Variants in RSBN1L observed in about 807,000 individuals in gnomAD.
RSBN1L encodes the protein round spermatid basic protein 1 like.
Under a neutral mutation model 67.7 loss-of-function variants are expected in RSBN1L, and 30 were observed. The observed-to-expected ratio is 0.44, with a 90% CI of 0.33 to 0.60. The LOEUF is 0.60. Ranked by LOEUF, RSBN1L falls within the 20% of genes least tolerant of loss-of-function variation. The probability of loss-of-function intolerance (pLI) is 0.02; values close to 1 mark genes in which losing one functional copy is unlikely to be tolerated. For synonymous variants in RSBN1L, 433 were observed against 387.0 expected, an observed-to-expected ratio of 1.12 and a Z score of -1.39; for missense variants, 992 against 1,031.7, an observed-to-expected ratio of 0.96 and a Z score of 0.53.
intron 1 of RSBN1L, among the ~76,000 whole-genome samples, chr7:77,715,341 T>C (rs1030372893): frequency 6.6e-6 from 1 of 152,062 alleles, no homozygotes; most frequent in Non-Finnish European, 1.5e-5. Context: ...GTGGGATATT[T>C]TGTGTGTGTG....
intron 2 of RSBN1L, among the ~76,000 whole-genome samples, chr7:77,740,989 T>C (rs1471339971): frequency 1.3e-4 from 19 of 148,324 alleles, no homozygotes; most frequent in South Asian, 4.3e-4. Context: ...TCTTTTCTTT[T>C]TTTTTTTTTT....
chr7:77,778,286 A>C, intron 6 of RSBN1L, 52 bp from the exon 7 acceptor site: 1 of 1,291,946 alleles, frequency 7.7e-7, no homozygotes, highest in East Asian at 2.3e-5. Context: ...ATAAGGACTC[A>C]AAAGAGTGAA....
At chr7:77,705,267 G>T (rs183949460) in intron 1 of RSBN1L, among the ~76,000 whole-genome samples, 1 of 152,118 alleles carries the variant, frequency 6.6e-6, no homozygotes, top group East Asian at 1.9e-4. Context: ...AGATTTTCCT[G>T]TATTCATAAT....
intron 1 of RSBN1L, among the ~76,000 whole-genome samples, chr7:77,711,902 G>C (rs1016679029): frequency 4.6e-5 from 7 of 152,136 alleles, no homozygotes; most frequent in African/African-American, 1.7e-4. Flanking sequence ...AGAATCAGGA[G>C]GCCTTAGGAG....
intron 1 of RSBN1L, among the ~76,000 whole-genome samples, chr7:77,712,313 C>T (rs1264448782): frequency 2.7e-5 from 4 of 147,932 alleles, no homozygotes; most frequent in Non-Finnish European, 5.9e-5. Flanking sequence ...GACGGAGTTT[C>T]GCTCTGTTAT....
intron 5 of RSBN1L, among the ~76,000 whole-genome samples, chr7:77,772,455 G>A (rs1791862173): frequency 6.6e-6 from 1 of 152,226 alleles, no homozygotes; most frequent in South Asian, 2.1e-4. Flanking sequence ...CAATGAGTGA[G>A]GCTAAGTAGG....
In RSBN1L at chr7:77,696,934, C is replaced by T; in HGVS notation, c.465C>T (p.Ala155=). Reference sequence around the variant, plus strand: ...CCGCCGCCGCTGCCTCGGCTAACGCCAAGTCGCGCAGACCTAAGGAGAAGC... The same window carrying T: ...CCGCCGCCGCTGCCTCGGCTAACGCTAAGTCGCGCAGACCTAAGGAGAAGC... ...PAAAAAASAN[A]KSRRPKEKRE... The change falls in exon 1 of 8, where the codon GCC becomes GCT. Residue 155 remains alanine (A), a synonymous_variant. Transcript: ENST00000334955. The T allele has an allele frequency of 6.3e-7, 1 of 1,599,630 alleles. No individual in the cohort carries two copies. Among genetic ancestry groups the T allele is most frequent in the South Asian group, 1.1e-5 (1 of 90,536 alleles).
At chr7:77,720,899 G>GTC (rs2150416049) in intron 1 of RSBN1L, among the ~76,000 whole-genome samples, 1 of 151,500 alleles carries the variant, frequency 6.6e-6, no homozygotes, top group African/African-American at 2.4e-5. Flanking sequence ...TGGAATTACA[G>GTC]GCGTGGGCGA....
At chr7:77,754,979 C>T (rs1044221795) in intron 3 of RSBN1L, among the ~76,000 whole-genome samples, 2 of 150,254 alleles carry the variant, frequency 1.3e-5, no homozygotes, top group Non-Finnish European at 2.9e-5. Flanking sequence ...TAGTGAATAT[C>T]TATTCACTAT....
In RSBN1L at chr7:77,782,741, G is replaced by A. The variant is rs900911019; in HGVS notation, c.*3573G>A. The A allele has an allele frequency of 6.6e-6, 1 of 152,070 alleles. No homozygotes were observed. The highest frequency in any genetic ancestry group is 2.4e-5 in the African/African-American group (1 of 41,400). 9.4% of individuals were successfully genotyped at this position (152,070 alleles called of 1,614,324 possible). ...AGTGGTGGTCATTGAGGGTAGGGAA[G>A]ATTTTATTTTTTAAGTTGTCGTTAA... is the stretch of plus-strand genomic sequence containing the variant. On this transcript the variant is annotated 3_prime_UTR_variant, in exon 8 of 8. Coordinates refer to ENST00000334955, the MANE Select transcript of RSBN1L (RefSeq NM_198467.3).
chr7:77,709,469 T>C (rs1331305989), intron 1 of RSBN1L, among the ~76,000 whole-genome samples: 3 of 152,042 alleles, frequency 2.0e-5, no homozygotes, highest in Admixed American at 6.6e-5. Context: ...TTTGTATTTT[T>C]AGTAGAGCTG....
intron 1 of RSBN1L, among the ~76,000 whole-genome samples, chr7:77,701,091 ACAGTAAGC>A (rs139244152): frequency 0.015 from 2,026 of 132,274 alleles, 47 homozygotes; most frequent in African/African-American, 0.058. Context: ...GGCGGAGGTT[ACAGTAAGC>A]TGAGATGGCG....
chr7:77,704,776 C>T (rs374861016), intron 1 of RSBN1L, among the ~76,000 whole-genome samples: 4 of 151,848 alleles, frequency 2.6e-5, no homozygotes, highest in Non-Finnish European at 5.9e-5. Flanking sequence ...TCAAGGAGTT[C>T]GAGACTAGCC....
chr7:77,762,652 G>A (rs1791710099), intron 3 of RSBN1L, among the ~76,000 whole-genome samples: 1 of 152,010 alleles, frequency 6.6e-6, no homozygotes, highest in Non-Finnish European at 1.5e-5. Flanking sequence ...TGATGTGTCT[G>A]TAATATTACC....
chr7:77,725,265 T>TTTTTTTG (rs1791184148), intron 1 of RSBN1L, among the ~76,000 whole-genome samples: 1 of 141,540 alleles, frequency 7.1e-6, no homozygotes, highest in Non-Finnish European at 1.5e-5. Flanking sequence ...TTTTTTTTTT[T>TTTTTTTG]GAGATGGAAT....
At position 77,711,947 on chromosome 7, in the gene RSBN1L, A is replaced by G. The variant is rs546137387; in HGVS notation, c.586+14892A>G. Reference sequence around the variant, plus strand: ...GCCCTACCACCCATTTGTGATCTGAAGGAAAGGAGTAAAACCTGTGTGAGG... The same window carrying G: ...GCCCTACCACCCATTTGTGATCTGAGGGAAAGGAGTAAAACCTGTGTGAGG... On this transcript the variant is annotated intron_variant, in intron 1 of 7. Transcript: ENST00000334955. Among the ~76,000 whole-genome samples the G allele has an allele frequency of 7.9e-5, 12 of 152,312 alleles. No individual in the cohort carries two copies. The East Asian group carries it at 2.1e-3, about 27-fold the overall frequency.
At chr7:77,772,502 A>T (rs1171706417) in intron 5 of RSBN1L, among the ~76,000 whole-genome samples, 1 of 152,232 alleles carries the variant, frequency 6.6e-6, no homozygotes, top group East Asian at 1.9e-4. Flanking sequence ...CTAGAAGGAA[A>T]GTGGTGGAGG....
intron 3 of RSBN1L, among the ~76,000 whole-genome samples, chr7:77,759,047 C>CT (rs1791661599): frequency 6.6e-6 from 1 of 152,108 alleles, no homozygotes; most frequent in Non-Finnish European, 1.5e-5. Flanking sequence ...GATTAAAAGT[C>CT]TATTATTTTA....
chr7:77,758,905 T>C (rs937694449), intron 3 of RSBN1L, among the ~76,000 whole-genome samples: 1 of 152,338 alleles, frequency 6.6e-6, no homozygotes, highest in South Asian at 2.1e-4. Context: ...TACTAAGAAC[T>C]GTGAGAATGT....
Sources: allele counts gnomAD v4.1 joint callset (sites outside exome capture counted in the v4.1 genomes callset), GRCh38; gene constraint gnomAD v4.1.1; transcripts MANE v1.5; gene names NCBI Gene and HGNC (gene_info 2026-07-23, HGNC 2026-07-21).